The following IGF2R variants were observed in gnomAD, a reference collection of about 807,000 sequenced individuals.
The protein encoded by IGF2R is insulin like growth factor 2 receptor.
IGF2R carries 91 observed loss-of-function variants against 270.6 expected under a neutral mutation model. The observed-to-expected ratio is 0.34, with a 90% CI of 0.28 to 0.40. The LOEUF is 0.40. Ranked by LOEUF, IGF2R falls within the 10% of genes least tolerant of loss-of-function variation. IGF2R has a pLI of 1.00. For missense variants in IGF2R, 2,805 were observed against 3,188.3 expected (o/e 0.88, Z 2.90); for synonymous variants, 1,316 against 1,258.9 (o/e 1.05, Z -0.96).
chr6:160,061,014 G>A (rs1778427768), intron 23 of IGF2R, among the ~76,000 whole-genome samples: 1 of 152,062 alleles, frequency 6.6e-6, no homozygotes, highest in Non-Finnish European at 1.5e-5. Flanking sequence ...CACATGTACT[G>A]TCAGAGCTTC....
chr6:160,068,749 A>C (rs1435465797), intron 30 of IGF2R, among the ~76,000 whole-genome samples: 2 of 152,162 alleles, frequency 1.3e-5, no homozygotes, highest in Non-Finnish European at 2.9e-5. Context: ...GGCACTGGTG[A>C]GAGAGGGCCT....
At chr6:160,074,843 G>C (rs1002890218) in intron 35 of IGF2R, among the ~76,000 whole-genome samples, 3 of 152,212 alleles carry the variant, frequency 2.0e-5, no homozygotes, top group Non-Finnish European at 2.9e-5. Context: ...AATTAGCACA[G>C]CTCCAGCTCT....
At chr6:159,982,515 A>T (rs975822361) in intron 1 of IGF2R, among the ~76,000 whole-genome samples, 1 of 152,220 alleles carries the variant, frequency 6.6e-6, no homozygotes, top group African/African-American at 2.4e-5. Context: ...GTGACCATGT[A>T]TCTTGTTATG....
chr6:160,013,111 G>GT (rs1049060710), intron 4 of IGF2R, among the ~76,000 whole-genome samples: 1 of 151,896 alleles, frequency 6.6e-6, no homozygotes, highest in African/African-American at 2.4e-5. Context: ...GTTTTGTTTT[G>GT]TTTTTGTTTT....
intron 46 of IGF2R, among the ~76,000 whole-genome samples, chr6:160,103,339 C>T (rs551091701): frequency 4.7e-4 from 71 of 151,786 alleles, no homozygotes; most frequent in South Asian, 2.5e-3. Context: ...AAAAAAGTAC[C>T]GATTGTGGCC....
chr6:159,986,310 C>A lies in IGF2R; in HGVS notation c.150-4874C>A, dbSNP rs184074402. ...GCAGTGGTGCGATCTCGGCTCACTG[C>A]AACCTCCACCTCCTGGATTCAAGCT... On this transcript the variant is annotated intron_variant, in intron 1 of 47. Transcript: ENST00000356956. Among the ~76,000 whole-genome samples, 54 of 151,170 alleles carry A rather than the reference C, an allele frequency of 3.6e-4. No homozygotes were observed. The Middle Eastern group carries it at 0.01, about 29-fold the overall frequency.
intron 1 of IGF2R, among the ~76,000 whole-genome samples, chr6:159,972,016 G>A (rs924240482): frequency 1.3e-5 from 2 of 152,100 alleles, no homozygotes; most frequent in African/African-American, 4.8e-5. Context: ...TTTTCTTGGG[G>A]CGGGGGAGGT....
Position 160,047,781 on chromosome 6 carries a change from C to T in IGF2R, c.2230-11C>T. 1.9e-6 allele frequency: 3 copies of T among 1,551,178 alleles called. No individual in the cohort carries two copies. Among genetic ancestry groups the T allele is most frequent in the Non-Finnish European group, 2.7e-6 (3 of 1,122,474 alleles). ...TTTTTGCCATCCCTCCGCGCATCTGCCGTGGATTAGGAAGAGGATAACTCC... is the reference window on the plus strand; with the variant it reads ...TTTTTGCCATCCCTCCGCGCATCTGTCGTGGATTAGGAAGAGGATAACTCC... On this transcript the variant is annotated splice_polypyrimidine_tract_variant and intron_variant, in intron 16 of 47. Coordinates refer to ENST00000356956, the MANE Select transcript of IGF2R (RefSeq NM_000876.4).
At chr6:160,060,431 G>C (rs759279579) in intron 22 of IGF2R, 116 bp from the exon 23 acceptor site, 12 of 972,236 alleles carry the variant, frequency 1.2e-5, no homozygotes, top group Non-Finnish European at 1.7e-5. Context: ...TTGCTCCCAC[G>C]AACGGCTGTG....
At chr6:160,039,301 T>TAA (rs1477825161) in intron 10 of IGF2R, among the ~76,000 whole-genome samples, 2 of 152,200 alleles carry the variant, frequency 1.3e-5, no homozygotes, top group Non-Finnish European at 2.9e-5. Flanking sequence ...TAAATATATC[T>TAA]AAACATAGAA....
chr6:160,063,272 AG>A, intron 26 of IGF2R, 142 bp from the exon 27 acceptor site: 1 of 637,482 alleles, frequency 1.6e-6, no homozygotes, highest in South Asian at 1.8e-5. Flanking sequence ...CTCTTGACCT[AG>A]TAATCCACCC....
intron 22 of IGF2R, among the ~76,000 whole-genome samples, chr6:160,059,585 A>G (rs1778389311): frequency 6.6e-6 from 1 of 152,214 alleles, no homozygotes; most frequent in African/African-American, 2.4e-5. Context: ...CACAGCAGTC[A>G]GAGTGATGTT....
At chr6:160,033,699 C>T (rs1391644022) in intron 9 of IGF2R, among the ~76,000 whole-genome samples, 1 of 152,220 alleles carries the variant, frequency 6.6e-6, no homozygotes, top group Non-Finnish European at 1.5e-5. Flanking sequence ...AATGAGTTTA[C>T]AGTTGATAGG....
At chr6:160,039,058 T>C (rs1216827488) in intron 10 of IGF2R, among the ~76,000 whole-genome samples, 1 of 152,176 alleles carries the variant, frequency 6.6e-6, no homozygotes, top group East Asian at 1.9e-4. Context: ...TACATTAATA[T>C]AGTCATGTGT....
At chr6:160,041,463 C>T (rs1777944511) in intron 11 of IGF2R, among the ~76,000 whole-genome samples, 2 of 152,066 alleles carry the variant, frequency 1.3e-5, no homozygotes, top group East Asian at 1.9e-4. Flanking sequence ...GGGAACAGCA[C>T]ACACCATGGC....
Position 160,073,959 on chromosome 6 carries a change from T to C in IGF2R, c.5150T>C (p.Ile1717Thr), listed in dbSNP as rs1778802073. 2 of 1,612,382 alleles carry C rather than the reference T, an allele frequency of 1.2e-6. No individual in the cohort carries two copies. The highest frequency in any genetic ancestry group is 1.7e-5 in the Admixed American group (1 of 59,812). ...GGAGCCGCTGTGTGCAAAGTTCCTA[T>C]TGATGGTCCCCCCATAGTAAGTATG... ...PAGAAVCKVP[I>T]DGPPIDIGRV... is the part of the protein sequence containing the mutation. The change falls in exon 35 of 48, where the codon ATT becomes ACT. Residue 1717 changes from isoleucine to threonine, a missense_variant. Physicochemically the swap from Ile to Thr is moderately conservative, Grantham distance 89 (BLOSUM62 -1). Transcript: ENST00000356956.
chr6:160,060,188 A>G (rs964477202), intron 22 of IGF2R, among the ~76,000 whole-genome samples: 1 of 152,026 alleles, frequency 6.6e-6, no homozygotes, highest in African/African-American at 2.4e-5. Context: ...TAAACCTGTC[A>G]TAACACAGGC....
chr6:160,002,333 A>G (rs1711541507), intron 2 of IGF2R, among the ~76,000 whole-genome samples: 1 of 152,200 alleles, frequency 6.6e-6, no homozygotes, highest in Non-Finnish European at 1.5e-5. Context: ...GGAGGCCTCA[A>G]TGAGCTGTAA....
At chr6:159,970,828 A>G (rs1397163874) in intron 1 of IGF2R, among the ~76,000 whole-genome samples, 1 of 151,878 alleles carries the variant, frequency 6.6e-6, no homozygotes, top group Non-Finnish European at 1.5e-5. Flanking sequence ...CCCGGAATCC[A>G]GCACTTTGGA....
Sources: gnomAD v4.1 joint callset for allele counts (sites outside exome capture counted in the v4.1 genomes callset) on GRCh38, gnomAD v4.1.1 for gene constraint, MANE v1.5 for transcripts, NCBI Gene and HGNC (gene_info 2026-07-23, HGNC 2026-07-21) for gene names.